The following GOLGA5 variants were observed in gnomAD, a reference collection of about 807,000 sequenced individuals.
GOLGA5 encodes golgin A5, also known as golgin subfamily A member 5.
A neutral mutation model predicts 93.5 loss-of-function variants in GOLGA5; 50 were observed. The ratio of observed to expected loss-of-function variants is 0.53; its 90% confidence interval spans 0.43 to 0.68. GOLGA5 has a LOEUF of 0.68. Among genes scored for constraint, GOLGA5 ranks in the 30% least tolerant of loss-of-function variants. The pLI is 0.00. For missense variants in GOLGA5, 760 were observed against 856.4 expected, an observed-to-expected ratio of 0.89 and a Z score of 1.40; for synonymous variants, 312 against 304.5, an observed-to-expected ratio of 1.02 and a Z score of -0.26.
At chr14:92,794,746 A>G (rs536040562) in intron 1 of GOLGA5, among the ~76,000 whole-genome samples, 1 of 152,142 alleles carries the variant, frequency 6.6e-6, no homozygotes, top group South Asian at 2.1e-4. Context: ...CTGCTCGCTT[A>G]CCTGAGATTC....
chr14:92,837,508 T>C (rs1174354768), intron 12 of GOLGA5, 59 bp downstream of exon 12: 8 of 765,256 alleles, frequency 1.0e-5, no homozygotes, highest in African/African-American at 7.0e-5. Context: ...GTTTTTTTTT[T>C]TGTTTGTTTG....
chr14:92,800,214 G>A (rs1884838938), intron 2 of GOLGA5, among the ~76,000 whole-genome samples: 1 of 152,164 alleles, frequency 6.6e-6, no homozygotes, highest in African/African-American at 2.4e-5. Flanking sequence ...ATTTACTTGT[G>A]GTCTAGTAAA....
rs75696499 is a variant in GOLGA5 at position 92,835,511 on chromosome 14, T to A, written c.1946-48T>A. The A allele has an allele frequency of 1.8e-3, 2,274 of 1,256,858 alleles. 32 individuals are homozygous for A. The African/African-American group carries it at 0.03, about 17-fold the overall frequency. 77.9% of individuals were successfully genotyped at this position (1,256,858 alleles called of 1,614,324 possible). ...AGTGTATTTCCAATTATAATTGTCT[T>A]AGTTAATTTTTATGTCAGTACACTA... On this transcript the variant is annotated intron_variant, in intron 10 of 12. Coordinates refer to ENST00000163416, the MANE Select transcript of GOLGA5 (RefSeq NM_005113.4).
At chr14:92,799,755 A>T (rs1884828024) in intron 2 of GOLGA5, among the ~76,000 whole-genome samples, 1 of 151,964 alleles carries the variant, frequency 6.6e-6, no homozygotes, top group Admixed American at 6.6e-5. Context: ...ATAGGTGTGC[A>T]CCACCACCCT....
chr14:92,802,504 T>C (rs1334463460), intron 2 of GOLGA5, among the ~76,000 whole-genome samples: 3 of 152,112 alleles, frequency 2.0e-5, no homozygotes, highest in African/African-American at 7.2e-5. Flanking sequence ...TGGCTAGGAC[T>C]CAACGACCAG....
intron 9 of GOLGA5, among the ~76,000 whole-genome samples, chr14:92,826,399 T>C (rs1262877128): frequency 6.6e-6 from 1 of 151,890 alleles, no homozygotes; most frequent in Non-Finnish European, 1.5e-5. Flanking sequence ...GTTAAAAAAA[T>C]AGGTTGCCAG....
chr14:92,794,573 A>G (rs1485799787), intron 1 of GOLGA5, 117 bp downstream of exon 1: 1 of 152,370 alleles, frequency 6.6e-6, no homozygotes, highest in East Asian at 1.9e-4. Context: ...GGTCGCGCTC[A>G]TCTTCGCCCT....
Position 92,839,640 on chromosome 14 carries a change from C to T in GOLGA5, c.*194C>T. The T allele has an allele frequency of 5.1e-6, 3 of 592,470 alleles. No homozygotes were observed. The highest frequency in any genetic ancestry group is 9.0e-6 in the Non-Finnish European group (3 of 334,050). The allele number at this position is 592,470 out of a possible 1,614,324, so 36.7% of individuals were successfully genotyped here. On this transcript the variant is annotated 3_prime_UTR_variant, in exon 13 of 13. Transcript: ENST00000163416. ...CTTTAAATGGTAAGAGTTTCTAAAA[C>T]AGACAATAATTTAACAAGCTCAGCT... is the stretch of plus-strand genomic sequence containing the variant.
In GOLGA5 at chr14:92,797,919, T is replaced by C; in HGVS notation, c.482T>C (p.Val161Ala). 6.2e-7 allele frequency: 1 copy of C among 1,610,106 alleles called. No homozygotes were observed. Among genetic ancestry groups the C allele is most frequent in the Non-Finnish European group, 8.5e-7 (1 of 1,178,912 alleles). ...QSSQTSSVSS[V>A]NPSVTTIKTI... is the part of the protein sequence containing the mutation. Reference sequence around the variant, plus strand: ...TCTCAGACATCAAGTGTCAGTTCTGTGAACCCCAGTGTAACCACCATCAAA... The same window carrying C: ...TCTCAGACATCAAGTGTCAGTTCTGCGAACCCCAGTGTAACCACCATCAAA... The change falls in exon 2 of 13, where the codon GTG becomes GCG. Residue 161 changes from valine to alanine, a missense_variant. Coordinates refer to ENST00000163416, the MANE Select transcript of GOLGA5 (RefSeq NM_005113.4).
intron 10 of GOLGA5, among the ~76,000 whole-genome samples, chr14:92,835,353 C>T: frequency 6.6e-6 from 1 of 152,218 alleles, no homozygotes; most frequent in East Asian, 1.9e-4. Context: ...TTATTTAAAA[C>T]TTTTTTCTTG....
chr14:92,804,659 T>TC (rs1884944517), intron 2 of GOLGA5, among the ~76,000 whole-genome samples: 1 of 129,930 alleles, frequency 7.7e-6, no homozygotes, highest in East Asian at 1.9e-4. Flanking sequence ...TTCTTTCTTT[T>TC]TTTTTTTTTT....
chr14:92,827,463 G>T (rs1377915234), intron 9 of GOLGA5, among the ~76,000 whole-genome samples: 1 of 152,196 alleles, frequency 6.6e-6, no homozygotes, highest in African/African-American at 2.4e-5. Context: ...ATCCATAAAT[G>T]TGTGTGTTCT....
intron 11 of GOLGA5, among the ~76,000 whole-genome samples, chr14:92,836,863 G>C (rs150153950): frequency 0.082 from 12,526 of 152,084 alleles, 728 homozygotes; most frequent in South Asian, 0.26. Flanking sequence ...TCAGGAGTTT[G>C]AAATCAGCCT....
Position 92,830,143 on chromosome 14 carries a change from A to AC in GOLGA5, c.1720-2975dup, listed in dbSNP as rs199854495. Among the ~76,000 whole-genome samples, 273 of 152,198 alleles carry AC rather than the reference A, an allele frequency of 1.8e-3. 6 individuals carry two copies. In the East Asian group the frequency reaches 0.046, roughly 26 times the overall value. ...AGACTAGCCTGACCAACATGGTGAA[A>AC]CCCCGTCTCTACTAAAAATACAAAA... On this transcript the variant is annotated intron_variant, in intron 9 of 12. Coordinates refer to ENST00000163416, the MANE Select transcript of GOLGA5 (RefSeq NM_005113.4).
intron 9 of GOLGA5, among the ~76,000 whole-genome samples, chr14:92,826,584 G>A (rs1423485220): frequency 2.6e-5 from 4 of 151,784 alleles, no homozygotes; most frequent in South Asian, 4.1e-4. Context: ...TGTAATACCA[G>A]CTACTTGAGA....
chr14:92,828,407 G>T (rs1566960090), intron 9 of GOLGA5, among the ~76,000 whole-genome samples: 1 of 152,162 alleles, frequency 6.6e-6, no homozygotes. Context: ...TCACAGCATG[G>T]TTTACTGAGT....
chr14:92,827,522 G>T (rs891237034), intron 9 of GOLGA5, among the ~76,000 whole-genome samples: 1 of 152,098 alleles, frequency 6.6e-6, no homozygotes, highest in Non-Finnish European at 1.5e-5. Flanking sequence ...CTCTCCTCAG[G>T]CCTTTCTAGT....
At position 92,816,527 on chromosome 14, in the gene GOLGA5, T is replaced by TCTTCGCTTCGCTTCG. The variant is rs57383293; in HGVS notation, c.1491+111_1491+125dup. 5.7e-3 allele frequency: 3,952 copies of TCTTCGCTTCGCTTCG among 691,236 alleles called. 30 individuals carry two copies. The highest frequency in any genetic ancestry group is 5.5e-3 in the Non-Finnish European group (2,286 of 412,826). 42.8% of individuals were successfully genotyped at this position (691,236 alleles called of 1,614,324 possible). Reference sequence around the variant, plus strand: ...ACTAAAGCGATAGGTTTCTCGCTTCTCTTCGCTTCGCTTCGCTTCTCTTCT... The same window carrying TCTTCGCTTCGCTTCG: ...ACTAAAGCGATAGGTTTCTCGCTTCTCTTCGCTTCGCTTCGCTTCGCTTCGCTTCGCTTCTCTTCT... On this transcript the variant is annotated intron_variant, in intron 7 of 12. Transcript: ENST00000163416.
At position 92,809,524 on chromosome 14, in the gene GOLGA5, G is replaced by A. The variant is rs762582032; in HGVS notation, c.992+5G>A. On this transcript the variant is annotated splice_donor_5th_base_variant and intron_variant, in intron 4 of 12. Transcript: ENST00000163416. ...CTTACAGAGTGAAAAATCACGGTAG[G>A]TGATTCTATGAATAATGAAAAAAAT... The A allele has an allele frequency of 6.4e-7, 1 of 1,559,728 alleles. No individual in the cohort carries two copies. The highest frequency in any genetic ancestry group is 8.8e-7 in the Non-Finnish European group (1 of 1,131,732).
Sources: gnomAD v4.1 joint callset for allele counts (sites outside exome capture counted in the v4.1 genomes callset) on GRCh38, gnomAD v4.1.1 for gene constraint, MANE v1.5 for transcripts, NCBI Gene and HGNC (gene_info 2026-07-23, HGNC 2026-07-21) for gene names.